SPATS2: variants seen among roughly 807,000 people sequenced by gnomAD.
The protein encoded by SPATS2 is spermatogenesis-associated serine-rich protein 2.
SPATS2 carries 38 observed loss-of-function variants against 63.7 expected under a neutral mutation model. The observed-to-expected ratio is 0.60, with a 90% confidence interval of 0.46 to 0.78. The LOEUF is 0.78. SPATS2 is among the 30% of genes least tolerant of loss of function. The pLI, the probability that SPATS2 is intolerant of heterozygous loss-of-function variation, is 0.00. For synonymous variants in SPATS2, 207 were observed against 232.9 expected (o/e 0.89, Z 1.01); for missense variants, 588 against 666.2 (o/e 0.88, Z 1.29).
intron 9 of SPATS2, among the ~76,000 whole-genome samples, chr12:49,503,620 T>G (rs57708568): frequency 0.036 from 5,275 of 146,652 alleles, 330 homozygotes; most frequent in African/African-American, 0.13. Context: ...CTGCACTCCA[T>G]CCTGGGCGAC....
intron 2 of SPATS2, among the ~76,000 whole-genome samples, chr12:49,413,058 G>A (rs1438365421): frequency 6.7e-6 from 1 of 150,030 alleles, no homozygotes; most frequent in African/African-American, 2.4e-5. Context: ...CTCCAGACAC[G>A]TTGTTAAACA....
chr12:49,508,562 G>T (rs1450526237), intron 9 of SPATS2, among the ~76,000 whole-genome samples: 1 of 152,068 alleles, frequency 6.6e-6, no homozygotes, highest in African/African-American at 2.4e-5. Context: ...CTCACTAAGG[G>T]GGCTTAACAC....
intron 9 of SPATS2, 192 bp from the exon 10 acceptor site, chr12:49,514,363 A>T (rs1427634214): frequency 1.8e-6 from 1 of 544,782 alleles, no homozygotes; most frequent in Admixed American, 3.5e-5. Flanking sequence ...TATTTATTTT[A>T]TTTATGGGAA....
chr12:49,399,769 G>A (rs2137291810), intron 2 of SPATS2, among the ~76,000 whole-genome samples: 1 of 152,356 alleles, frequency 6.6e-6, no homozygotes, highest in East Asian at 1.9e-4. Flanking sequence ...CAGGCGCGGT[G>A]GCTCATGCCT....
chr12:49,469,420 CATG>C (rs1945991263), intron 3 of SPATS2: 1 of 197,602 alleles, frequency 5.1e-6, no homozygotes, highest in Admixed American at 6.3e-5. Flanking sequence ...AAAAGCCAGG[CATG>C]GTGGTGTGTG....
At chr12:49,397,833 TAAAAAAAAAAAAA>T (rs989085737) in intron 2 of SPATS2, among the ~76,000 whole-genome samples, 1 of 82,322 alleles carries the variant, frequency 1.2e-5, no homozygotes, top group Non-Finnish European at 2.3e-5. Flanking sequence ...CTTAGCTCTT[TAAAAAAAAAAAAA>T]AAAAAAAAAA....
At chr12:49,483,428 A>G (rs1325745095) in intron 3 of SPATS2, among the ~76,000 whole-genome samples, 1 of 152,152 alleles carries the variant, frequency 6.6e-6, no homozygotes, top group Non-Finnish European at 1.5e-5. Context: ...TTTTCAATTA[A>G]TAAAGATAAT....
chr12:49,376,301 C>T lies in SPATS2; in HGVS notation c.-244+5011C>T, dbSNP rs576956054. Among the ~76,000 whole-genome samples the T allele has an allele frequency of 2.0e-5, 3 of 151,736 alleles. No individual in the cohort carries two copies. The East Asian group carries it at 5.8e-4, about 29-fold the overall frequency. ...TATTTTTAGTAGAGACGGGGTTTCA[C>T]CATGTTGACCAGGCTGGTCTTGAAC... On this transcript the variant is annotated intron_variant, in intron 2 of 13. Transcript: ENST00000552918.
rs372757692 is a variant in SPATS2 at position 49,524,944 on chromosome 12, T to C, written c.1326+48T>C. The C allele has an allele frequency of 3.0e-5, 47 of 1,567,520 alleles. No individual in the cohort carries two copies. In the African/African-American group the frequency reaches 4.2e-4, roughly 14 times the overall value. ...CATGTTAGGAAGAAAACCCTCCAGA[T>C]TGTCAAAGCTTAAATGCTGTTAGCT... On this transcript the variant is annotated intron_variant, in intron 13 of 13. Coordinates refer to ENST00000552918, the MANE Select transcript of SPATS2 (RefSeq NM_023071.4).
At chr12:49,425,135 C>A (rs1357192222) in intron 2 of SPATS2, among the ~76,000 whole-genome samples, 2 of 152,016 alleles carry the variant, frequency 1.3e-5, no homozygotes, top group Non-Finnish European at 2.9e-5. Flanking sequence ...TTTTTTTAAG[C>A]AGAGTGAGAA....
chr12:49,390,287 A>G (rs1053301363), intron 2 of SPATS2: 6 of 488,584 alleles, frequency 1.2e-5, no homozygotes, highest in South Asian at 6.2e-5. Flanking sequence ...TGTACTGGCT[A>G]TGAGATAGCA....
At chr12:49,501,201 C>G (rs1946562287) in intron 9 of SPATS2, among the ~76,000 whole-genome samples, 1 of 152,162 alleles carries the variant, frequency 6.6e-6, no homozygotes, top group Non-Finnish European at 1.5e-5. Flanking sequence ...CTCAAGTGAT[C>G]TGCCTGAAGC....
chr12:49,511,230 G>A (rs910849193), intron 9 of SPATS2, among the ~76,000 whole-genome samples: 2 of 151,788 alleles, frequency 1.3e-5, no homozygotes, highest in Admixed American at 1.3e-4. Context: ...AGAATAAGTC[G>A]AGCAAATGTG....
intron 2 of SPATS2, among the ~76,000 whole-genome samples, chr12:49,458,015 C>CTT (rs986171306): frequency 6.6e-6 from 1 of 152,120 alleles, no homozygotes; most frequent in Non-Finnish European, 1.5e-5. Flanking sequence ...TTTTTTAAAA[C>CTT]TTTCGCAGAA....
intron 2 of SPATS2, among the ~76,000 whole-genome samples, chr12:49,448,018 T>C (rs1945546068): frequency 1.3e-5 from 2 of 151,860 alleles, no homozygotes; most frequent in Admixed American, 1.3e-4. Context: ...CTTTTTCTAA[T>C]TTCTTAAATT....
chr12:49,476,556 G>A (rs1328703380), intron 3 of SPATS2, among the ~76,000 whole-genome samples: 1 of 152,172 alleles, frequency 6.6e-6, no homozygotes, highest in Non-Finnish European at 1.5e-5. Flanking sequence ...AACCGAAAGA[G>A]CATCCTGTAA....
At chr12:49,434,872 A>C (rs911289665) in intron 2 of SPATS2, among the ~76,000 whole-genome samples, 2 of 152,068 alleles carry the variant, frequency 1.3e-5, no homozygotes, top group Non-Finnish European at 2.9e-5. Context: ...CAGATTTAAT[A>C]ATTTTTATTT....
chr12:49,436,731 G>A (rs1253218026), intron 2 of SPATS2, among the ~76,000 whole-genome samples: 2 of 147,344 alleles, frequency 1.4e-5, no homozygotes, highest in Non-Finnish European at 3.0e-5. Flanking sequence ...GCCGGGCGGG[G>A]GGCTGACCCC....
chr12:49,408,893 A>G (rs2137344236), intron 2 of SPATS2, among the ~76,000 whole-genome samples: 1 of 152,280 alleles, frequency 6.6e-6, no homozygotes, highest in South Asian at 2.1e-4. Flanking sequence ...AGATTCTTTT[A>G]CATGTTATTT....
Sources: gnomAD v4.1 joint callset for allele counts (sites outside exome capture counted in the v4.1 genomes callset) on GRCh38, gnomAD v4.1.1 for gene constraint, MANE v1.5 for transcripts, NCBI Gene and HGNC (gene_info 2026-07-23, HGNC 2026-07-21) for gene names.